The following MSRA variants were observed in gnomAD, a reference collection of about 807,000 sequenced individuals.
MSRA encodes methionine sulfoxide reductase A, also known as mitochondrial peptide methionine sulfoxide reductase.
Under a neutral mutation model 31.3 loss-of-function variants are expected in MSRA, and 54 were observed. The observed-to-expected ratio is 1.73, with a 90% CI of 1.39 to 2.17. The LOEUF is 2.17. MSRA is among the 30% of genes most tolerant of loss of function. MSRA has a pLI of 0.00. For synonymous variants in MSRA, 169 were observed against 116.5 expected, an observed-to-expected ratio of 1.45 and a Z score of -2.90; for missense variants, 507 against 300.9, an observed-to-expected ratio of 1.69 and a Z score of -5.07.
intron 1 of MSRA, among the ~76,000 whole-genome samples, chr8:10,161,061 A>G (rs1325454225): frequency 1.3e-5 from 2 of 152,224 alleles, no homozygotes; most frequent in Non-Finnish European, 2.9e-5. Context: ...CCACTATATT[A>G]CAGTGTCAGA....
intron 1 of MSRA, among the ~76,000 whole-genome samples, chr8:10,111,095 A>G (rs141748323): frequency 4.5e-4 from 69 of 152,312 alleles, no homozygotes; most frequent in African/African-American, 1.5e-3. Flanking sequence ...GTAGCATCTT[A>G]GTCTCCCAGT....
chr8:10,278,309 G>C (rs1464852716), intron 3 of MSRA, among the ~76,000 whole-genome samples: 1 of 152,158 alleles, frequency 6.6e-6, no homozygotes, highest in African/African-American at 2.4e-5. Context: ...ACTTGCTCTT[G>C]ACCTGGTTCT....
intron 5 of MSRA, among the ~76,000 whole-genome samples, chr8:10,416,741 A>C (rs1808483872): frequency 6.6e-6 from 1 of 152,232 alleles, no homozygotes; most frequent in African/African-American, 2.4e-5. Context: ...GGGATTCGGT[A>C]CGTCTGGGGA....
chr8:10,242,173 C>T (rs976279222), intron 2 of MSRA, among the ~76,000 whole-genome samples: 1 of 151,316 alleles, frequency 6.6e-6, no homozygotes, highest in South Asian at 2.1e-4. Flanking sequence ...AGGGAGGGTG[C>T]GGCAGAAGAA....
intron 1 of MSRA, among the ~76,000 whole-genome samples, chr8:10,166,421 T>A (rs1354847425): frequency 6.6e-6 from 1 of 152,190 alleles, no homozygotes; most frequent in Non-Finnish European, 1.5e-5. Flanking sequence ...TGTTTGCATA[T>A]GTCTGTGCGT....
At chr8:10,319,820 C>G (rs1462120198) in intron 4 of MSRA, 63 bp from the exon 5 acceptor site, 3 of 944,458 alleles carry the variant, frequency 3.2e-6, no homozygotes, top group Middle Eastern at 2.5e-4. Context: ...GCATTGTGCC[C>G]AGTTTGAGAC....
At chr8:10,328,757 G>C (rs1802524552) in intron 5 of MSRA, among the ~76,000 whole-genome samples, 1 of 152,126 alleles carries the variant, frequency 6.6e-6, no homozygotes, top group Non-Finnish European at 1.5e-5. Flanking sequence ...CAGAACCTTT[G>C]AATAAGGCTC....
chr8:10,362,747 C>A, intron 5 of MSRA, among the ~76,000 whole-genome samples: 1 of 152,200 alleles, frequency 6.6e-6, no homozygotes, highest in Non-Finnish European at 1.5e-5. Flanking sequence ...CTCGAGCTGC[C>A]TGCTGGTCCT....
chr8:10,314,294 A>T (rs1284075089), intron 4 of MSRA, among the ~76,000 whole-genome samples: 1 of 152,208 alleles, frequency 6.6e-6, no homozygotes, highest in Non-Finnish European at 1.5e-5. Flanking sequence ...CAGAATATAT[A>T]AAAAATAGAC....
chr8:10,095,607 A>G, intron 1 of MSRA: 1 of 987,638 alleles, frequency 1.0e-6, no homozygotes, highest in Non-Finnish European at 1.2e-6. Flanking sequence ...GAGGAAAGAA[A>G]AAAAGGCAAG....
intron 1 of MSRA, among the ~76,000 whole-genome samples, chr8:10,076,057 G>T (rs549983944): frequency 2.0e-5 from 3 of 151,822 alleles, no homozygotes; most frequent in Admixed American, 2.0e-4. Context: ...CTTCACGTCT[G>T]GACTGCGAGT....
chr8:10,069,703 C>G (rs1238741036), intron 1 of MSRA, among the ~76,000 whole-genome samples: 1 of 152,148 alleles, frequency 6.6e-6, no homozygotes, highest in Non-Finnish European at 1.5e-5. Context: ...GCCCTCATGA[C>G]CTAATCACCT....
At chr8:10,116,652 A>T (rs891577842) in intron 1 of MSRA, among the ~76,000 whole-genome samples, 2 of 152,120 alleles carry the variant, frequency 1.3e-5, no homozygotes, top group African/African-American at 4.8e-5. Context: ...GTCTGCCAAC[A>T]CACTGGTCAT....
At chr8:10,314,210 A>G (rs1801591341) in intron 4 of MSRA, among the ~76,000 whole-genome samples, 1 of 152,202 alleles carries the variant, frequency 6.6e-6, no homozygotes, top group South Asian at 2.1e-4. Flanking sequence ...AATGCCAAGA[A>G]CAGAAAAAAA....
intron 5 of MSRA, among the ~76,000 whole-genome samples, chr8:10,349,501 CT>C (rs1803990632): frequency 6.6e-6 from 1 of 152,166 alleles, no homozygotes; most frequent in South Asian, 2.1e-4. Context: ...TGCTTTTCTC[CT>C]CTGCTTCCGC....
At chr8:10,175,212 C>T (rs942559662) in intron 1 of MSRA, among the ~76,000 whole-genome samples, 2 of 152,154 alleles carry the variant, frequency 1.3e-5, no homozygotes, top group African/African-American at 4.8e-5. Flanking sequence ...CATCCCTTCC[C>T]TGAAACCTTC....
chr8:10,230,329 A>C (rs1298489048), intron 2 of MSRA, among the ~76,000 whole-genome samples: 2 of 152,208 alleles, frequency 1.3e-5, no homozygotes, highest in African/African-American at 4.8e-5. Context: ...TATACCGGAA[A>C]TGGCACTGGG....
At chr8:10,349,636 A>G (rs1804001405) in intron 5 of MSRA, among the ~76,000 whole-genome samples, 1 of 152,202 alleles carries the variant, frequency 6.6e-6, no homozygotes, top group African/African-American at 2.4e-5. Flanking sequence ...ACCCTGTCTG[A>G]GTTGCTTTTG....
chr8:10,120,789 C>T (rs1475449535), intron 1 of MSRA, among the ~76,000 whole-genome samples: 1 of 152,200 alleles, frequency 6.6e-6, no homozygotes, highest in Admixed American at 6.5e-5. Flanking sequence ...TGTTCTCTCT[C>T]CAAACGCTGT....
Sources: allele counts gnomAD v4.1 joint callset (sites outside exome capture counted in the v4.1 genomes callset), GRCh38; gene constraint gnomAD v4.1.1; transcripts MANE v1.5; gene names NCBI Gene and HGNC (gene_info 2026-07-23, HGNC 2026-07-21).